PPARGC1A: variants seen among roughly 807,000 people sequenced by gnomAD.
The protein encoded by PPARGC1A is PPARG coactivator 1 alpha, also known as peroxisome proliferator-activated receptor gamma coactivator 1-alpha.
A neutral mutation model predicts 88.7 loss-of-function variants in PPARGC1A; 25 were observed. The ratio of observed to expected loss-of-function variants is 0.28; its 90% confidence interval spans 0.21 to 0.39. The LOEUF (loss-of-function observed/expected upper bound fraction) is 0.39, where lower values mean the gene tolerates loss of function less well. Ranked by LOEUF, PPARGC1A falls within the 10% of genes least tolerant of loss-of-function variation. The pLI is 1.00. For synonymous variants in PPARGC1A, 363 were observed against 355.6 expected, an observed-to-expected ratio of 1.02 and a Z score of -0.24; for missense variants, 880 against 968.7, an observed-to-expected ratio of 0.91 and a Z score of 1.22.
At chr4:24,230,980 A>C in the PPARGC1A span, among the ~76,000 whole-genome samples, 11,785 of 151,182 alleles carry the variant, frequency 0.078, 692 homozygotes, top group African/African-American at 0.16. Flanking sequence ...GAAGAAGAAG[A>C]AGCAAAGGTA....
the PPARGC1A span, among the ~76,000 whole-genome samples, chr4:24,372,489 C>T: frequency 6.6e-6 from 1 of 152,194 alleles, no homozygotes; most frequent in African/African-American, 2.4e-5. Context: ...GTCTTTGAGT[C>T]CTTAATGCTA....
At chr4:24,253,301 G>A in the PPARGC1A span, among the ~76,000 whole-genome samples, 7 of 152,074 alleles carry the variant, frequency 4.6e-5, no homozygotes, top group African/African-American at 1.7e-4. Flanking sequence ...ATAATTTTGA[G>A]ACTAAGAATT....
At chr4:24,339,093 G>A in the PPARGC1A span, among the ~76,000 whole-genome samples, 57 of 151,650 alleles carry the variant, frequency 3.8e-4, no homozygotes, top group African/African-American at 1.3e-3. Flanking sequence ...TTTTCTGTCC[G>A]CATGAATTTG....
chr4:24,065,244 C>A, the PPARGC1A span, among the ~76,000 whole-genome samples: 1 of 152,240 alleles, frequency 6.6e-6, no homozygotes, highest in South Asian at 2.1e-4. Flanking sequence ...CTCCTCCAAG[C>A]AGGAGACCTG....
chr4:23,846,285 T>C (rs1458021791), intron 2 of PPARGC1A, among the ~76,000 whole-genome samples: 1 of 152,184 alleles, frequency 6.6e-6, no homozygotes, highest in East Asian at 1.9e-4. Flanking sequence ...TCCAACAGTA[T>C]GATGTTGGAG....
At chr4:24,328,674 T>C in the PPARGC1A span, among the ~76,000 whole-genome samples, 2 of 152,202 alleles carry the variant, frequency 1.3e-5, no homozygotes, top group Non-Finnish European at 2.9e-5. Context: ...CGTGTGTATT[T>C]TTGTTTTATT....
chr4:24,156,312 T>G, the PPARGC1A span, among the ~76,000 whole-genome samples: 3 of 152,120 alleles, frequency 2.0e-5, no homozygotes, highest in Non-Finnish European at 4.4e-5. Flanking sequence ...AGTTGAAATT[T>G]TCTTCCTTTT....
At chr4:24,185,774 C>T in the PPARGC1A span, among the ~76,000 whole-genome samples, 1 of 150,636 alleles carries the variant, frequency 6.6e-6, no homozygotes, top group Non-Finnish European at 1.5e-5. Context: ...TCTCCCAATG[C>T]TATCCCTCCC....
At chr4:23,944,123 T>G in the PPARGC1A span, among the ~76,000 whole-genome samples, 1 of 152,204 alleles carries the variant, frequency 6.6e-6, no homozygotes, top group Non-Finnish European at 1.5e-5. Context: ...ATATCAATAT[T>G]GGTTCATTAG....
chr4:24,007,486 G>A, the PPARGC1A span, among the ~76,000 whole-genome samples: 2 of 152,226 alleles, frequency 1.3e-5, no homozygotes, highest in Non-Finnish European at 2.9e-5. Flanking sequence ...CTATGAAGGA[G>A]CACAGGGTAA....
At chr4:24,020,589 G>A in the PPARGC1A span, among the ~76,000 whole-genome samples, 1 of 152,164 alleles carries the variant, frequency 6.6e-6, no homozygotes, top group Non-Finnish European at 1.5e-5. Context: ...CTTGCAAGGA[G>A]ATGGGCTCCC....
At chr4:24,230,282 G>A in the PPARGC1A span, among the ~76,000 whole-genome samples, 1 of 152,140 alleles carries the variant, frequency 6.6e-6, no homozygotes, top group Non-Finnish European at 1.5e-5. Flanking sequence ...TCACTAACCT[G>A]CCTGTGAAAT....
chr4:23,826,080 G>A (rs892726819), intron 5 of PPARGC1A, among the ~76,000 whole-genome samples: 10 of 152,120 alleles, frequency 6.6e-5, no homozygotes, highest in African/African-American at 2.2e-4. Context: ...TATTTGAAAT[G>A]CTCAAAGGAA....
At chr4:24,110,923 AC>A in the PPARGC1A span, among the ~76,000 whole-genome samples, 2 of 152,188 alleles carry the variant, frequency 1.3e-5, no homozygotes, top group Non-Finnish European at 2.9e-5. Flanking sequence ...AGGCCTTCTG[AC>A]TTTTAAGCCC....
At chr4:23,808,460 T>C (rs1036049627) in intron 10 of PPARGC1A, among the ~76,000 whole-genome samples, 3 of 152,090 alleles carry the variant, frequency 2.0e-5, no homozygotes, top group African/African-American at 7.2e-5. Flanking sequence ...ATTTGCCCTT[T>C]AAATTAACAT....
chr4:24,147,678 T>C, the PPARGC1A span, among the ~76,000 whole-genome samples: 1 of 152,092 alleles, frequency 6.6e-6, no homozygotes, highest in Non-Finnish European at 1.5e-5. Context: ...GAAACCATCA[T>C]CTCTGTGAGT....
chr4:24,156,527 G>A, the PPARGC1A span, among the ~76,000 whole-genome samples: 2 of 152,052 alleles, frequency 1.3e-5, no homozygotes, highest in African/African-American at 2.4e-5. Flanking sequence ...AATGCTAGGT[G>A]TCCCATTATG....
At chr4:24,236,107 A>G in the PPARGC1A span, among the ~76,000 whole-genome samples, 9 of 152,236 alleles carry the variant, frequency 5.9e-5, no homozygotes, top group African/African-American at 7.2e-5. Context: ...AAATTGGTAT[A>G]CATACTATTG....
chr4:24,352,846 T>C, the PPARGC1A span, among the ~76,000 whole-genome samples: 6 of 152,226 alleles, frequency 3.9e-5, no homozygotes, highest in Admixed American at 3.9e-4. Flanking sequence ...TATATGCTTC[T>C]TCCCTGCTCT....
Sources: allele counts gnomAD v4.1 joint callset (sites outside exome capture counted in the v4.1 genomes callset), GRCh38; gene constraint gnomAD v4.1.1; transcripts MANE v1.5; gene names NCBI Gene and HGNC (gene_info 2026-07-23, HGNC 2026-07-21).